Variants in MDGA2 observed in about 807,000 individuals in gnomAD.
MDGA2 encodes the protein MAM domain containing glycosylphosphatidylinositol anchor 2, also known as MAM domain-containing glycosylphosphatidylinositol anchor protein 2.
A neutral mutation model predicts 117.8 loss-of-function variants in MDGA2; 40 were observed. The observed-to-expected ratio is 0.34, with a 90% CI of 0.26 to 0.44. The LOEUF (loss-of-function observed/expected upper bound fraction) is 0.44. Ranked by LOEUF, MDGA2 falls within the 20% of genes least tolerant of loss-of-function variation. The probability of loss-of-function intolerance (pLI) is 1.00; values close to 1 mark genes in which losing one functional copy is unlikely to be tolerated. For synonymous variants in MDGA2, 452 were observed against 439.0 expected (o/e 1.03, Z -0.37); for missense variants, 1,123 against 1,250.6 (o/e 0.90, Z 1.54).
intron 5 of MDGA2, among the ~76,000 whole-genome samples, chr14:47,113,562 C>A (rs905753003): frequency 3.3e-5 from 5 of 152,222 alleles, no homozygotes; most frequent in African/African-American, 1.2e-4. Context: ...AGCTTATCCA[C>A]CACGATCAAG....
intron 1 of MDGA2, among the ~76,000 whole-genome samples, chr14:47,526,435 C>T (rs2138723144): frequency 6.6e-6 from 1 of 152,160 alleles, no homozygotes; most frequent in Admixed American, 6.5e-5. Context: ...TTCCAGTTTG[C>T]TCTTATTCTT....
intron 1 of MDGA2, among the ~76,000 whole-genome samples, chr14:47,375,305 C>T (rs1891453348): frequency 6.6e-6 from 1 of 151,828 alleles, no homozygotes; most frequent in African/African-American, 2.4e-5. Context: ...GATCTCTATA[C>T]AGAATACTGC....
intron 1 of MDGA2, among the ~76,000 whole-genome samples, chr14:47,613,005 A>T (rs547701641): frequency 9.5e-4 from 145 of 152,292 alleles, no homozygotes; most frequent in Non-Finnish European, 1.9e-3. Context: ...TATTGCGGGT[A>T]TTGAAAACCG....
chr14:47,418,797 C>G (rs1892523692), intron 1 of MDGA2, among the ~76,000 whole-genome samples: 2 of 151,990 alleles, frequency 1.3e-5, no homozygotes, highest in Non-Finnish European at 2.9e-5. Flanking sequence ...GAAATAGAAC[C>G]CAGGTCTAAG....
intron 6 of MDGA2, among the ~76,000 whole-genome samples, chr14:47,069,972 C>G (rs1489758541): frequency 6.6e-6 from 1 of 152,084 alleles, no homozygotes; most frequent in Non-Finnish European, 1.5e-5. Flanking sequence ...AACCATTCCC[C>G]CTATTTTAAC....
chr14:47,647,648 G>T (rs1897561202), intron 1 of MDGA2, among the ~76,000 whole-genome samples: 1 of 152,108 alleles, frequency 6.6e-6, no homozygotes, highest in South Asian at 2.1e-4. Context: ...GTGCAGTACA[G>T]TAATATTGGG....
chr14:47,154,743 G>A (rs917938322), intron 3 of MDGA2, among the ~76,000 whole-genome samples: 4 of 152,198 alleles, frequency 2.6e-5, no homozygotes, highest in African/African-American at 9.7e-5. Flanking sequence ...AGATGGGGCT[G>A]AGGGCCACTC....
At chr14:47,197,699 A>T (rs1285212357) in intron 3 of MDGA2, among the ~76,000 whole-genome samples, 2 of 152,136 alleles carry the variant, frequency 1.3e-5, no homozygotes, top group Non-Finnish European at 2.9e-5. Context: ...TCACGAGGTC[A>T]GGGGTTCGAA....
At chr14:47,519,054 A>T (rs1894814351) in intron 1 of MDGA2, among the ~76,000 whole-genome samples, 1 of 152,034 alleles carries the variant, frequency 6.6e-6, no homozygotes, top group Non-Finnish European at 1.5e-5. Context: ...AAATACAAAA[A>T]TTGGCCAGGA....
chr14:47,296,260 G>C (rs1160028951), intron 2 of MDGA2, among the ~76,000 whole-genome samples: 1 of 152,054 alleles, frequency 6.6e-6, no homozygotes, highest in Non-Finnish European at 1.5e-5. Flanking sequence ...ATGGATATAA[G>C]GAGATCTTGC....
rs573353660 is a variant in MDGA2, at chr14:47,434,108, A to G, written c.281-132558T>C. Among the ~76,000 whole-genome samples the G allele has an allele frequency of 2.2e-4, 33 of 152,266 alleles. No individual in the cohort carries two copies. The South Asian group carries it at 6.4e-3, about 30-fold the overall frequency. Reference sequence around the variant, plus strand: ...AAATAAGACTTTTGGTGACAAAAATACACATTAAGATTCTCTATTTTAGGA... The same window carrying G: ...AAATAAGACTTTTGGTGACAAAAATGCACATTAAGATTCTCTATTTTAGGA... On this transcript the variant is annotated intron_variant, in intron 1 of 16. Coordinates refer to ENST00000399232, the MANE Select transcript of MDGA2 (RefSeq NM_001113498.3).
chr14:47,122,203 C>T (rs889112326), intron 5 of MDGA2, among the ~76,000 whole-genome samples: 8 of 151,976 alleles, frequency 5.3e-5, no homozygotes, highest in Non-Finnish European at 7.4e-5. Flanking sequence ...TAGCAGAAAG[C>T]AAATTCACAG....
At chr14:47,286,893 G>C (rs1483954634) in intron 2 of MDGA2, among the ~76,000 whole-genome samples, 1 of 143,162 alleles carries the variant, frequency 7.0e-6, no homozygotes, top group African/African-American at 2.6e-5. Flanking sequence ...TGAAGTCCCT[G>C]TTCTCTAAGA....
chr14:47,599,159 C>T (rs1282354933), intron 1 of MDGA2, among the ~76,000 whole-genome samples: 1 of 151,620 alleles, frequency 6.6e-6, no homozygotes, highest in East Asian at 1.9e-4. Flanking sequence ...TAGTATGCCT[C>T]AAAATATCAT....
At chr14:47,309,711 C>T (rs1250855998) in intron 1 of MDGA2, among the ~76,000 whole-genome samples, 2 of 151,974 alleles carry the variant, frequency 1.3e-5, no homozygotes, top group Non-Finnish European at 2.9e-5. Flanking sequence ...AAAGAAAAAA[C>T]TTTAAACATT....
At chr14:47,501,477 T>G (rs190079010) in intron 1 of MDGA2, among the ~76,000 whole-genome samples, 1 of 152,172 alleles carries the variant, frequency 6.6e-6, no homozygotes, top group African/African-American at 2.4e-5. Context: ...GTTAGATAGA[T>G]TAATGTTTAT....
intron 1 of MDGA2, among the ~76,000 whole-genome samples, chr14:47,616,964 T>C (rs902283404): frequency 3.3e-5 from 5 of 152,184 alleles, no homozygotes; most frequent in Non-Finnish European, 5.9e-5. Flanking sequence ...CAAATGTGGT[T>C]AGCAACTGTC....
At chr14:47,394,740 G>C (rs1478081730) in intron 1 of MDGA2, among the ~76,000 whole-genome samples, 1 of 152,166 alleles carries the variant, frequency 6.6e-6, no homozygotes, top group Admixed American at 6.6e-5. Context: ...TAAACATAAA[G>C]TGTCAAATTA....
chr14:47,639,818 A>G (rs1194333545), intron 1 of MDGA2, among the ~76,000 whole-genome samples: 1 of 152,198 alleles, frequency 6.6e-6, no homozygotes, highest in African/African-American at 2.4e-5. Context: ...CTTTCTGCAC[A>G]GTAGAAACAC....
Sources: allele counts gnomAD v4.1 joint callset (sites outside exome capture counted in the v4.1 genomes callset), GRCh38; gene constraint gnomAD v4.1.1; transcripts MANE v1.5; gene names NCBI Gene and HGNC (gene_info 2026-07-23, HGNC 2026-07-21).